Variants in DCC observed in about 807,000 individuals in gnomAD.
The protein encoded by DCC is netrin receptor DCC.
In DCC, 58 loss-of-function variants were observed where a neutral mutation model predicts 172.5. The observed-to-expected ratio is 0.34, with a 90% confidence interval of 0.27 to 0.42. The LOEUF is 0.42. Among genes scored for constraint, DCC ranks in the 10% least tolerant of loss-of-function variants. The pLI is 1.00. For missense variants in DCC, 1,740 were observed against 1,791.0 expected (o/e 0.97, Z 0.51); for synonymous variants, 709 against 644.5 (o/e 1.10, Z -1.52).
chr18:53,399,590 T>C (rs1232288799), intron 18 of DCC, among the ~76,000 whole-genome samples: 6 of 152,078 alleles, frequency 3.9e-5, no homozygotes, highest in Non-Finnish European at 7.4e-5. Flanking sequence ...AATGGAAGTA[T>C]AGGAAAAAAT....
chr18:53,020,813 T>A (rs1469295855), intron 5 of DCC, among the ~76,000 whole-genome samples: 2 of 152,098 alleles, frequency 1.3e-5, no homozygotes, highest in African/African-American at 2.4e-5. Flanking sequence ...TTTAATAAAG[T>A]GGCTTGTTTT....
At chr18:52,715,597 G>A (rs566644770) in intron 1 of DCC, among the ~76,000 whole-genome samples, 9 of 152,136 alleles carry the variant, frequency 5.9e-5, no homozygotes, top group African/African-American at 1.4e-4. Context: ...GTGCCACCAC[G>A]CCCGGCCAGC....
At chr18:52,998,932 A>G (rs2041523720) in intron 5 of DCC, among the ~76,000 whole-genome samples, 1 of 152,078 alleles carries the variant, frequency 6.6e-6, no homozygotes. Context: ...AGTATAATTG[A>G]GAAAACAATG....
At chr18:52,421,132 A>G (rs1216240690) in intron 1 of DCC, among the ~76,000 whole-genome samples, 3 of 152,208 alleles carry the variant, frequency 2.0e-5, no homozygotes, top group African/African-American at 7.2e-5. Flanking sequence ...ATTGAACTGT[A>G]CAGTTCCTGT....
At chr18:52,496,872 A>G (rs2144616036) in intron 1 of DCC, among the ~76,000 whole-genome samples, 1 of 152,136 alleles carries the variant, frequency 6.6e-6, no homozygotes, top group East Asian at 1.9e-4. Context: ...GCTTGTCCAT[A>G]TCATACAGAA....
At chr18:52,578,271 A>C (rs763318680) in intron 1 of DCC, among the ~76,000 whole-genome samples, 2 of 152,228 alleles carry the variant, frequency 1.3e-5, no homozygotes, top group Non-Finnish European at 2.9e-5. Flanking sequence ...AGAAATACAG[A>C]AAGTGAGGTA....
At chr18:53,249,694 G>A (rs2056406370) in intron 12 of DCC, among the ~76,000 whole-genome samples, 1 of 151,872 alleles carries the variant, frequency 6.6e-6, no homozygotes, top group Non-Finnish European at 1.5e-5. Flanking sequence ...AAAGAAATGT[G>A]TTCCCTAAGA....
intron 24 of DCC, among the ~76,000 whole-genome samples, chr18:53,464,041 T>C (rs1230005786): frequency 1.3e-5 from 2 of 152,204 alleles, no homozygotes; most frequent in East Asian, 1.9e-4. Context: ...GCCACTAAAA[T>C]ATCTAGGAAT....
At chr18:53,324,266 TCA>T (rs1301523523) in intron 14 of DCC, among the ~76,000 whole-genome samples, 1 of 152,180 alleles carries the variant, frequency 6.6e-6, no homozygotes, top group Non-Finnish European at 1.5e-5. Context: ...AAGTCACATT[TCA>T]CAGAGTTCAT....
At chr18:52,398,880 G>A (rs192869382) in intron 1 of DCC, among the ~76,000 whole-genome samples, 1 of 151,624 alleles carries the variant, frequency 6.6e-6, no homozygotes, top group African/African-American at 2.4e-5. Flanking sequence ...TCAGGAGATG[G>A]GTGCACCAAA....
chr18:53,156,937 A>G (rs917642530), intron 7 of DCC, among the ~76,000 whole-genome samples: 1 of 152,202 alleles, frequency 6.6e-6, no homozygotes, highest in Non-Finnish European at 1.5e-5. Flanking sequence ...ATTTTCTATC[A>G]TCAGTTAAAG....
chr18:53,285,406 A>G (rs2056923906), intron 12 of DCC, among the ~76,000 whole-genome samples: 1 of 152,202 alleles, frequency 6.6e-6, no homozygotes, highest in Non-Finnish European at 1.5e-5. Context: ...CTGTTGCTCC[A>G]GAGGGCAGAA....
At chr18:52,603,432 A>G (rs2034058600) in intron 1 of DCC, among the ~76,000 whole-genome samples, 1 of 152,068 alleles carries the variant, frequency 6.6e-6, no homozygotes, top group Non-Finnish European at 1.5e-5. Flanking sequence ...GACAGTAAAG[A>G]AAAGGAGAAT....
At chr18:53,461,399 GT>G (rs930328833) in intron 24 of DCC, among the ~76,000 whole-genome samples, 1 of 151,924 alleles carries the variant, frequency 6.6e-6, no homozygotes, top group Non-Finnish European at 1.5e-5. Flanking sequence ...TTCTTCTAGG[GT>G]TTTTATGGTT....
At chr18:53,299,739 T>C (rs2057110448) in intron 12 of DCC, among the ~76,000 whole-genome samples, 1 of 152,198 alleles carries the variant, frequency 6.6e-6, no homozygotes, top group South Asian at 2.1e-4. Flanking sequence ...CTCAGCCTCT[T>C]GAACTTCTCA....
intron 1 of DCC, among the ~76,000 whole-genome samples, chr18:52,553,371 T>C (rs2032828714): frequency 6.6e-6 from 1 of 151,940 alleles, no homozygotes; most frequent in Non-Finnish European, 1.5e-5. Flanking sequence ...ATAGAACAAA[T>C]ATCTGTAAAG....
At chr18:53,154,539 G>C (rs1051307090) in intron 7 of DCC, among the ~76,000 whole-genome samples, 1 of 152,184 alleles carries the variant, frequency 6.6e-6, no homozygotes, top group South Asian at 2.1e-4. Flanking sequence ...GCTGCACAGA[G>C]AATATATTTG....
intron 1 of DCC, among the ~76,000 whole-genome samples, chr18:52,637,492 T>A (rs1486968579): frequency 1.3e-5 from 2 of 152,052 alleles, no homozygotes; most frequent in Admixed American, 6.6e-5. Context: ...TTAGGAAACT[T>A]TGGAGGCGCT....
intron 14 of DCC, among the ~76,000 whole-genome samples, chr18:53,327,386 T>C (rs763974484): frequency 1.1e-4 from 16 of 152,082 alleles, no homozygotes; most frequent in Non-Finnish European, 2.1e-4. Context: ...ATGAGAGAAT[T>C]TGTGATAGAG....
Sources: gnomAD v4.1 joint callset for allele counts (sites outside exome capture counted in the v4.1 genomes callset) on GRCh38, gnomAD v4.1.1 for gene constraint, MANE v1.5 for transcripts, NCBI Gene and HGNC (gene_info 2026-07-23, HGNC 2026-07-21) for gene names.